The following RALYL variants were observed in gnomAD, a reference collection of about 807,000 sequenced individuals.
RALYL encodes RNA-binding Raly-like protein.
A neutral mutation model predicts 35.1 loss-of-function variants in RALYL; 29 were observed. The observed-to-expected ratio is 0.83, with a 90% CI of 0.61 to 1.13. The LOEUF (loss-of-function observed/expected upper bound fraction) is 1.13. Ranked by LOEUF, RALYL falls within the 50% of genes most tolerant of loss-of-function variation. RALYL has a pLI of 0.00. For missense variants in RALYL, 359 were observed against 360.4 expected, an observed-to-expected ratio of 1.00 and a Z score of 0.03; for synonymous variants, 120 against 127.6, an observed-to-expected ratio of 0.94 and a Z score of 0.40.
intron 2 of RALYL, among the ~76,000 whole-genome samples, chr8:84,656,222 A>G (rs1409042406): frequency 2.6e-5 from 4 of 152,124 alleles, no homozygotes; most frequent in African/African-American, 9.7e-5. Flanking sequence ...TTTTAGTTAT[A>G]CCATGTGTCT....
intron 2 of RALYL, among the ~76,000 whole-genome samples, chr8:84,675,087 C>A (rs191961601): frequency 6.6e-6 from 1 of 152,032 alleles, no homozygotes; most frequent in Admixed American, 6.6e-5. Context: ...GGTTTTTAAA[C>A]CATAAAACCC....
At position 84,549,905 on chromosome 8, in the gene RALYL, G is replaced by T. The variant is rs572568396; in HGVS notation, c.256+20328G>T. 2.1e-4 allele frequency among the ~76,000 whole-genome samples: 32 copies of T among 152,232 alleles called. No homozygotes were observed. The South Asian group carries it at 6.4e-3, about 31-fold the overall frequency. On this transcript the variant is annotated intron_variant, in intron 2 of 8. Transcript: ENST00000521268. ...ATATTTGTTGTATATATTGGATTTG[G>T]ATTTTTTTTATTTCACCATTGTAAT...
chr8:84,424,279 T>C (rs1587081603), intron 1 of RALYL, among the ~76,000 whole-genome samples: 1 of 141,012 alleles, frequency 7.1e-6, no homozygotes, highest in Non-Finnish European at 1.5e-5. Flanking sequence ...AAACTTCCCT[T>C]CTCGCTTCAT....
chr8:84,558,095 T>C (rs1218887480), intron 2 of RALYL, among the ~76,000 whole-genome samples: 2 of 152,176 alleles, frequency 1.3e-5, no homozygotes, highest in Admixed American at 1.3e-4. Context: ...AAATTATAAG[T>C]GTAAAGAAGC....
At chr8:84,535,095 G>T (rs2059508477) in intron 2 of RALYL, among the ~76,000 whole-genome samples, 1 of 152,012 alleles carries the variant, frequency 6.6e-6, no homozygotes, top group Non-Finnish European at 1.5e-5. Context: ...CTTCATCATT[G>T]TCAAAGTTCT....
intron 2 of RALYL, among the ~76,000 whole-genome samples, chr8:84,648,314 C>A (rs1458411325): frequency 6.6e-6 from 1 of 152,080 alleles, no homozygotes; most frequent in Non-Finnish European, 1.5e-5. Context: ...TCATCAACTG[C>A]TGTCAGCATC....
intron 2 of RALYL, among the ~76,000 whole-genome samples, chr8:84,607,053 C>G (rs1186016328): frequency 6.6e-6 from 1 of 151,936 alleles, no homozygotes; most frequent in Non-Finnish European, 1.5e-5. Flanking sequence ...ATTCGGGACT[C>G]ATACATTTTA....
At chr8:84,584,972 T>C (rs139375160) in intron 2 of RALYL, among the ~76,000 whole-genome samples, 200 of 152,336 alleles carry the variant, frequency 1.3e-3, no homozygotes, top group Middle Eastern at 3.4e-3. Context: ...CCCTGTTCTA[T>C]GCCATATTAT....
At chr8:84,726,530 A>G (rs1477944079) in intron 2 of RALYL, among the ~76,000 whole-genome samples, 1 of 151,576 alleles carries the variant, frequency 6.6e-6, no homozygotes, top group African/African-American at 2.4e-5. Flanking sequence ...AAATAGCACT[A>G]TATCATTTCT....
intron 2 of RALYL, among the ~76,000 whole-genome samples, chr8:84,716,332 T>C (rs958766612): frequency 6.6e-6 from 1 of 152,170 alleles, no homozygotes; most frequent in Non-Finnish European, 1.5e-5. Flanking sequence ...GAATATTTAA[T>C]TTTTATTTAA....
At position 84,425,639 on chromosome 8, in the gene RALYL, C is replaced by G. The variant is rs539508413; in HGVS notation, c.-23-103660C>G. On this transcript the variant is annotated intron_variant, in intron 1 of 8. Transcript: ENST00000521268. The stretch of plus-strand genomic sequence containing the variant: ...AATTTTCCAAAACAGCAATTCTAAA[C>G]TTTTCTCTCCAGCTAATTATTAAAC... Among the ~76,000 whole-genome samples, 3 of 152,308 alleles carry G rather than the reference C, an allele frequency of 2.0e-5. No individual in the cohort carries two copies. In the South Asian group the frequency reaches 6.2e-4, roughly 32 times the overall value.
intron 1 of RALYL, among the ~76,000 whole-genome samples, chr8:84,432,357 G>A (rs762294923): frequency 6.6e-6 from 1 of 152,112 alleles, no homozygotes; most frequent in Non-Finnish European, 1.5e-5. Context: ...GAATAGAATG[G>A]TGGTTGCCAG....
intron 1 of RALYL, among the ~76,000 whole-genome samples, chr8:84,448,424 T>C (rs984376020): frequency 1.3e-5 from 2 of 152,050 alleles, no homozygotes; most frequent in Non-Finnish European, 2.9e-5. Context: ...TTAAAAATAA[T>C]GTTAGTTTTT....
Position 84,611,994 on chromosome 8 carries a change from C to T in RALYL, c.256+82417C>T, listed in dbSNP as rs375575586. ...ATTTTTTTAAATAAATTTACTGTTC[C>T]GGTTTTTTTGTTAATTTTTGTATTT... On this transcript the variant is annotated intron_variant, in intron 2 of 8. Coordinates refer to ENST00000521268, the MANE Select transcript of RALYL (RefSeq NM_173848.7). 1.9e-4 allele frequency among the ~76,000 whole-genome samples: 29 copies of T among 151,816 alleles called. No individual in the cohort carries two copies. In the East Asian group the frequency reaches 3.7e-3, roughly 19 times the overall value.
intron 2 of RALYL, among the ~76,000 whole-genome samples, chr8:84,655,717 TG>T (rs1829839564): frequency 6.6e-6 from 1 of 152,106 alleles, no homozygotes; most frequent in Admixed American, 6.6e-5. Context: ...TTCAATTTAG[TG>T]GGGAAGTGTT....
intron 2 of RALYL, among the ~76,000 whole-genome samples, chr8:84,610,010 GC>G (rs1255983318): frequency 2.6e-5 from 4 of 151,892 alleles, no homozygotes; most frequent in Non-Finnish European, 4.4e-5. Flanking sequence ...CGAAAGACCC[GC>G]CCCCATAATT....
At chr8:84,559,043 C>A (rs560583875) in intron 2 of RALYL, among the ~76,000 whole-genome samples, 1 of 152,148 alleles carries the variant, frequency 6.6e-6, no homozygotes, top group South Asian at 2.1e-4. Flanking sequence ...ATTCCATATT[C>A]TTTAACAGAG....
intron 1 of RALYL, among the ~76,000 whole-genome samples, chr8:84,493,577 T>C (rs1055025757): frequency 2.0e-5 from 3 of 152,066 alleles, no homozygotes; most frequent in African/African-American, 7.2e-5. Flanking sequence ...CCAGCATCAG[T>C]TGTTTCTTGA....
chr8:84,891,707 C>T (rs536129181), intron 8 of RALYL, among the ~76,000 whole-genome samples: 1 of 152,194 alleles, frequency 6.6e-6, no homozygotes, highest in Admixed American at 6.6e-5. Flanking sequence ...CCTTGCAATC[C>T]GGATTGAAAC....
Sources: gnomAD v4.1 joint callset for allele counts (sites outside exome capture counted in the v4.1 genomes callset) on GRCh38, gnomAD v4.1.1 for gene constraint, MANE v1.5 for transcripts, NCBI Gene and HGNC (gene_info 2026-07-23, HGNC 2026-07-21) for gene names.